Variants in KIF26B observed in about 807,000 individuals in gnomAD.
KIF26B encodes kinesin-like protein KIF26B.
A neutral mutation model predicts 151.2 loss-of-function variants in KIF26B; 63 were observed. That is an observed-to-expected ratio of 0.42 (90% CI 0.34 to 0.51). The LOEUF is 0.51. Ranked by LOEUF, KIF26B falls within the 20% of genes least tolerant of loss-of-function variation. The pLI, the probability that KIF26B is intolerant of heterozygous loss-of-function variation, is 0.07. For missense variants in KIF26B, 2,813 were observed against 2,913.6 expected (o/e 0.97, Z 0.79); for synonymous variants, 1,357 against 1,262.1 (o/e 1.08, Z -1.59).
intron 2 of KIF26B, among the ~76,000 whole-genome samples, chr1:245,273,091 T>A (rs1670879707): frequency 6.6e-6 from 1 of 152,116 alleles, no homozygotes; most frequent in Non-Finnish European, 1.5e-5. Context: ...TTTGTTTGGC[T>A]GACATACTGT....
chr1:245,539,412 T>C (rs941910341), intron 4 of KIF26B, among the ~76,000 whole-genome samples: 3 of 152,196 alleles, frequency 2.0e-5, no homozygotes, highest in Non-Finnish European at 4.4e-5. Flanking sequence ...CTGCAACTGG[T>C]AAGAACATTG....
chr1:245,594,742 T>G (rs2043322841), intron 5 of KIF26B, among the ~76,000 whole-genome samples: 1 of 152,238 alleles, frequency 6.6e-6, no homozygotes, highest in Admixed American at 6.5e-5. Flanking sequence ...GCATTGAATC[T>G]ATAAATTATT....
At chr1:245,418,405 A>G (rs868088884) in intron 3 of KIF26B, among the ~76,000 whole-genome samples, 12 of 152,244 alleles carry the variant, frequency 7.9e-5, no homozygotes, top group African/African-American at 2.7e-4. Context: ...CTTTCCAAGT[A>G]AGAGCATGAA....
chr1:245,669,981 C>T (rs142292467), intron 10 of KIF26B, among the ~76,000 whole-genome samples: 76 of 151,940 alleles, frequency 5.0e-4, no homozygotes, highest in African/African-American at 1.8e-3. Context: ...TTGGAGACTC[C>T]GAAGGGGAAA....
At chr1:245,461,956 AAAG>A (rs1447660039) in intron 4 of KIF26B, among the ~76,000 whole-genome samples, 2 of 151,966 alleles carry the variant, frequency 1.3e-5, no homozygotes, top group East Asian at 1.9e-4. Context: ...TTTACCAAAA[AAAG>A]AAGAAGGAGA....
chr1:245,341,959 G>T (rs1157492071), intron 2 of KIF26B, among the ~76,000 whole-genome samples: 1 of 152,158 alleles, frequency 6.6e-6, no homozygotes, highest in African/African-American at 2.4e-5. Flanking sequence ...CAGGGATGTT[G>T]ATTTTCTTTT....
At chr1:245,658,713 A>G (rs1318635451) in intron 10 of KIF26B, among the ~76,000 whole-genome samples, 2 of 152,082 alleles carry the variant, frequency 1.3e-5, no homozygotes, top group African/African-American at 4.8e-5. Flanking sequence ...CATTAATAAT[A>G]CTAAAAATTC....
intron 5 of KIF26B, among the ~76,000 whole-genome samples, chr1:245,587,031 A>G (rs948264167): frequency 3.3e-5 from 5 of 152,160 alleles, no homozygotes; most frequent in Admixed American, 2.0e-4. Flanking sequence ...TTGCCATCCC[A>G]TCATACGGGT....
intron 3 of KIF26B, among the ~76,000 whole-genome samples, chr1:245,402,001 A>C (rs1340213732): frequency 6.6e-6 from 1 of 152,154 alleles, no homozygotes; most frequent in Non-Finnish European, 1.5e-5. Flanking sequence ...AGAGAGAGTC[A>C]GTGCTTGCAG....
Position 245,533,792 on chromosome 1 carries a change from C to CAAA in KIF26B, c.1167-6965_1167-6963dup, listed in dbSNP as rs143809491. The stretch of plus-strand genomic sequence containing the variant: ...TGACAAATAGTCTATTATACAATTA[C>CAAA]AAAAAAAAAAAAGTCAAAATCAAGT... On this transcript the variant is annotated intron_variant, in intron 4 of 14. Transcript: ENST00000407071. 2.9e-3 allele frequency among the ~76,000 whole-genome samples: 403 copies of CAAA among 140,956 alleles called. 2 individuals are homozygous for CAAA. Among genetic ancestry groups the CAAA allele is most frequent in the African/African-American group, 9.5e-3 (370 of 38,926 alleles). The allele number at this position is 140,956 out of a possible 152,430, so 92.5% of individuals were successfully genotyped here.
intron 2 of KIF26B, among the ~76,000 whole-genome samples, chr1:245,256,470 C>T (rs758095687): frequency 4.6e-5 from 7 of 152,224 alleles, no homozygotes; most frequent in Non-Finnish European, 7.3e-5. Flanking sequence ...TTGAGGGCTG[C>T]AGTGCTGAGG....
intron 2 of KIF26B, among the ~76,000 whole-genome samples, chr1:245,315,073 G>A (rs1047186119): frequency 2.0e-5 from 3 of 152,040 alleles, no homozygotes; most frequent in African/African-American, 4.8e-5. Context: ...CCAGCTACTC[G>A]GGAGGCTGAG....
chr1:245,285,059 G>A (rs927997530), intron 2 of KIF26B, among the ~76,000 whole-genome samples: 7 of 152,068 alleles, frequency 4.6e-5, no homozygotes, highest in African/African-American at 1.7e-4. Flanking sequence ...ACAAACAAGC[G>A]AACAAAAACA....
chr1:245,437,383 T>G (rs940268547), intron 4 of KIF26B, among the ~76,000 whole-genome samples: 1 of 152,214 alleles, frequency 6.6e-6, no homozygotes. Flanking sequence ...ATTTGTTACT[T>G]AGGATCCTGA....
chr1:245,220,619 G>A (rs1318231121), intron 2 of KIF26B, among the ~76,000 whole-genome samples: 1 of 152,314 alleles, frequency 6.6e-6, no homozygotes, highest in East Asian at 1.9e-4. Flanking sequence ...GTGGGGATGG[G>A]TGGGCGAGGT....
intron 3 of KIF26B, among the ~76,000 whole-genome samples, chr1:245,397,670 A>T (rs933878678): frequency 6.6e-6 from 1 of 152,220 alleles, no homozygotes; most frequent in African/African-American, 2.4e-5. Flanking sequence ...TTGTGTAGTA[A>T]GTGGCATAGT....
At position 245,553,198 on chromosome 1, in the gene KIF26B, G is replaced by A. The variant is rs560433303; in HGVS notation, c.1350+12248G>A. ...ACCATCACCACTCCTCTTTTACACT[G>A]GAGGAAGCTGGACCGGATCTAAGGA... On this transcript the variant is annotated intron_variant, in intron 5 of 14. Transcript: ENST00000407071. 9.2e-5 allele frequency among the ~76,000 whole-genome samples: 14 copies of A among 152,280 alleles called. No homozygotes were observed. In the South Asian group the frequency reaches 2.5e-3, roughly 27 times the overall value.
intron 2 of KIF26B, among the ~76,000 whole-genome samples, chr1:245,220,537 C>T (rs1057499147): frequency 2.0e-5 from 3 of 152,026 alleles, no homozygotes; most frequent in African/African-American, 7.2e-5. Flanking sequence ...GTGGAGAGTG[C>T]GCCTCACTAG....
In KIF26B at chr1:245,540,731, A is replaced by C. The variant is rs117186245; in HGVS notation, c.1167-36A>C. ...TAAGCCTAGCAGATCTGATCGTACAATCATTTTCCCCTTATTGTTCCTTTT... is the reference window on the plus strand; with the variant it reads ...TAAGCCTAGCAGATCTGATCGTACACTCATTTTCCCCTTATTGTTCCTTTT... On this transcript the variant is annotated intron_variant, in intron 4 of 14. Coordinates refer to ENST00000407071, the MANE Select transcript of KIF26B (RefSeq NM_018012.4). The surrounding 1 kb of genome is among the most constrained non-coding windows in gnomAD (Gnocchi z 4.6). 2 of 1,576,764 alleles carry C rather than the reference A, an allele frequency of 1.3e-6. No individual in the cohort carries two copies. The highest frequency in any genetic ancestry group is 2.2e-5 in the South Asian group (2 of 90,286).
Sources: gnomAD v4.1 joint callset for allele counts (sites outside exome capture counted in the v4.1 genomes callset) on GRCh38, gnomAD v4.1.1 for gene constraint, Gnocchi (gnomAD v3.1) non-coding constraint, MANE v1.5 for transcripts, NCBI Gene and HGNC (gene_info 2026-07-23, HGNC 2026-07-21) for gene names.